The following PRKAR1A variants were observed in gnomAD, a reference collection of about 807,000 sequenced individuals.
PRKAR1A encodes cAMP-dependent protein kinase type I-alpha regulatory subunit.
A neutral mutation model predicts 52.0 loss-of-function variants in PRKAR1A; 3 were observed. That is an observed-to-expected ratio of 0.06 (90% CI 0.03 to 0.15). The LOEUF is 0.15. Ranked by LOEUF, PRKAR1A falls within the 10% of genes least tolerant of loss-of-function variation. PRKAR1A has a pLI of 1.00. For synonymous variants in PRKAR1A, 188 were observed against 168.4 expected (o/e 1.12, Z -0.90); for missense variants, 240 against 477.4 (o/e 0.50, Z 4.63).
chr17:68,503,963 C>T, the PRKAR1A span, among the ~76,000 whole-genome samples: 1 of 152,150 alleles, frequency 6.6e-6, no homozygotes, highest in Non-Finnish European at 1.5e-5. Flanking sequence ...AGTACAACCA[C>T]TAGGAAGAAC....
At chr17:68,420,616 C>T in the PRKAR1A span, 2 of 892,348 alleles carry the variant, frequency 2.2e-6, no homozygotes, top group East Asian at 2.5e-5. Context: ...TGTATCCTGT[C>T]CCTCCTCCAC....
the PRKAR1A span, among the ~76,000 whole-genome samples, chr17:68,471,823 CAG>C: frequency 1.3e-5 from 2 of 151,746 alleles, no homozygotes; most frequent in Non-Finnish European, 2.9e-5. Flanking sequence ...TTTTTTTAGA[CAG>C]AGTCTTGCTT....
At chr17:68,471,711 C>T in the PRKAR1A span, among the ~76,000 whole-genome samples, 2 of 152,186 alleles carry the variant, frequency 1.3e-5, no homozygotes, top group Non-Finnish European at 2.9e-5. Context: ...GGGGAGCTCT[C>T]CAAATGTCTG....
the PRKAR1A span, among the ~76,000 whole-genome samples, chr17:68,477,558 C>T: frequency 6.6e-6 from 1 of 152,176 alleles, no homozygotes; most frequent in Non-Finnish European, 1.5e-5. Flanking sequence ...CCCGTGTGTA[C>T]TTATTTCCAT....
At chr17:68,450,285 A>G in the PRKAR1A span, among the ~76,000 whole-genome samples, 1 of 152,218 alleles carries the variant, frequency 6.6e-6, no homozygotes, top group Admixed American at 6.5e-5. Context: ...TTCCTGACCC[A>G]GGGAGCCCCC....
the PRKAR1A span, chr17:68,426,211 G>T: frequency 1.5e-6 from 2 of 1,361,230 alleles, no homozygotes; most frequent in Non-Finnish European, 2.1e-6. Context: ...ACAAGCACTG[G>T]GGATCTGCTT....
chr17:68,471,386 G>A, the PRKAR1A span, among the ~76,000 whole-genome samples: 1 of 152,056 alleles, frequency 6.6e-6, no homozygotes, highest in Non-Finnish European at 1.5e-5. Context: ...TTCAGTAGAG[G>A]GACAAGCAGG....
Position 68,542,119 on chromosome 17 carries a change from C to T in PRKAR1A, c.974-8965C>T, listed in dbSNP as rs150508189. The T allele has an allele frequency of 1.3e-4, 216 of 1,614,126 alleles. No individual in the cohort carries two copies. Among genetic ancestry groups the T allele is most frequent in the East Asian group, 4.0e-4 (18 of 44,882 alleles). On this transcript the variant is annotated intron_variant, in intron 11 of 11. Transcript: ENST00000585981. ...GTGGGTTGCCACAGACAGCATACTC[C>T]GTCTTGCACATGTATGGACACTTGG...
the PRKAR1A span, among the ~76,000 whole-genome samples, chr17:68,435,256 C>G: frequency 6.6e-6 from 1 of 151,504 alleles, no homozygotes; most frequent in Admixed American, 6.6e-5. Context: ...TTATTCCAGG[C>G]AGAAGACATC....
At chr17:68,433,725 G>T in the PRKAR1A span, 4 of 256,010 alleles carry the variant, frequency 1.6e-5, no homozygotes, top group Admixed American at 5.2e-5. Flanking sequence ...CTCATATTTA[G>T]AAATTAATGT....
the PRKAR1A span, among the ~76,000 whole-genome samples, chr17:68,472,637 C>A: frequency 6.6e-6 from 1 of 152,102 alleles, no homozygotes; most frequent in African/African-American, 2.4e-5. Context: ...AAAAAGTTAA[C>A]ATTTTCGTGT....
rs1037199549 is a variant in PRKAR1A, at chr17:68,541,479, T to C, written c.974-9605T>C. Reference sequence around the variant, plus strand: ...TGCCTGGTTACTTCTTTTCCCACGATGATCATGACGGCTTGACTGATGGAT... The same window carrying C: ...TGCCTGGTTACTTCTTTTCCCACGACGATCATGACGGCTTGACTGATGGAT... On this transcript the variant is annotated intron_variant, in intron 11 of 11. Transcript: ENST00000585981. 2.1e-5 allele frequency: 4 copies of C among 189,366 alleles called. No individual in the cohort carries two copies. In the South Asian group the frequency reaches 4.3e-4, roughly 21 times the overall value. 11.7% of individuals were successfully genotyped at this position (189,366 alleles called of 1,614,324 possible). A position where few individuals can be genotyped will look rare whatever the true frequency, so the allele number is the denominator to read the frequency against.
downstream of PRKAR1A, chr17:68,537,390 A>G: frequency 6.4e-6 from 10 of 1,557,674 alleles, no homozygotes; most frequent in African/African-American, 1.4e-5. This position sits in a 1 kb window ranked among gnomAD's most constrained non-coding sequence, Gnocchi z 4.2. Context: ...CCCAGCAGTA[A>G]CAGGTGGGAG....
chr17:68,524,282 G>C (rs1277329049), intron 5 of PRKAR1A, among the ~76,000 whole-genome samples: 1 of 151,708 alleles, frequency 6.6e-6, no homozygotes, highest in Non-Finnish European at 1.5e-5. Flanking sequence ...TAATATTTTT[G>C]ATACAGTTTT....
chr17:68,471,946 A>G, the PRKAR1A span, among the ~76,000 whole-genome samples: 5 of 151,938 alleles, frequency 3.3e-5, no homozygotes, highest in East Asian at 7.8e-4. Context: ...GATTACAGGC[A>G]CCCGCCACCA....
the PRKAR1A span, chr17:68,429,966 C>T: frequency 6.2e-7 from 1 of 1,613,202 alleles, no homozygotes; most frequent in Non-Finnish European, 8.5e-7. Flanking sequence ...AAAGTGTGGT[C>T]TTGTTCAGAG....
At chr17:68,420,442 C>T in the PRKAR1A span, 1 of 1,614,068 alleles carries the variant, frequency 6.2e-7, no homozygotes, top group East Asian at 2.2e-5. Flanking sequence ...ACCAAATTGC[C>T]TGCCGCTGTC....
At chr17:68,441,415 G>A in the PRKAR1A span, among the ~76,000 whole-genome samples, 49 of 152,324 alleles carry the variant, frequency 3.2e-4, no homozygotes, top group Non-Finnish European at 6.5e-4. Context: ...ACAATTAGAC[G>A]AGTGATTGTG....
the PRKAR1A span, among the ~76,000 whole-genome samples, chr17:68,499,397 AGAG>A: frequency 6.6e-6 from 1 of 150,760 alleles, no homozygotes; most frequent in Non-Finnish European, 1.5e-5. Flanking sequence ...AGAGAGAGAG[AGAG>A]AGAGAGGAGG....
Sources: gnomAD v4.1 joint callset for allele counts (sites outside exome capture counted in the v4.1 genomes callset) on GRCh38, gnomAD v4.1.1 for gene constraint, Gnocchi (gnomAD v3.1) non-coding constraint, MANE v1.5 for transcripts, NCBI Gene and HGNC (gene_info 2026-07-23, HGNC 2026-07-21) for gene names.